The following LINGO2 variants were observed in gnomAD, a reference collection of about 807,000 sequenced individuals.
LINGO2 encodes leucine-rich repeat and immunoglobulin-like domain-containing nogo receptor-interacting protein 2.
LINGO2 carries 14 observed loss-of-function variants against 30.6 expected under a neutral mutation model. The ratio of observed to expected loss-of-function variants is 0.46; its 90% CI spans 0.30 to 0.72. LINGO2 has a LOEUF of 0.72. LINGO2 is among the 30% of genes least tolerant of loss of function. The pLI is 0.07. For missense variants in LINGO2, 729 were observed against 751.7 expected, an observed-to-expected ratio of 0.97 and a Z score of 0.35; for synonymous variants, 317 against 288.5, an observed-to-expected ratio of 1.10 and a Z score of -1.00.
In LINGO2 at chr9:28,096,701, T is replaced by G. The variant is rs546205464; in HGVS notation, c.-86-84296A>C. ...GGGCTAGGTCCTGGCCAGGCACAGA[T>G]GAGTATATCCTGAAGGAGTTCAAAT... On this transcript the variant is annotated intron_variant, in intron 4 of 5. Transcript: ENST00000379992. Among the ~76,000 whole-genome samples, 391 of 64,012 alleles carry G rather than the reference T, an allele frequency of 6.1e-3. 2 individuals are homozygous for G. The highest frequency in any genetic ancestry group is 0.015 in the African/African-American group (376 of 25,376). The allele number at this position is 64,012 out of a possible 152,430, so 42.0% of individuals were successfully genotyped here.
At chr9:28,051,916 TAAC>T (rs910181671) in intron 4 of LINGO2, among the ~76,000 whole-genome samples, 6 of 151,996 alleles carry the variant, frequency 3.9e-5, no homozygotes, top group South Asian at 2.1e-4. Context: ...TTCTTATACC[TAAC>T]AATAAAAAAC....
At chr9:28,648,997 A>G (rs532835244) in intron 1 of LINGO2, among the ~76,000 whole-genome samples, 1 of 152,250 alleles carries the variant, frequency 6.6e-6, no homozygotes, top group Admixed American at 6.5e-5. Context: ...AGCTCTCCCC[A>G]GATACTCTGA....
At chr9:28,809,273 G>A in the LINGO2 span, among the ~76,000 whole-genome samples, 1 of 152,170 alleles carries the variant, frequency 6.6e-6, no homozygotes, top group African/African-American at 2.4e-5. Context: ...ACAAATGGTC[G>A]ATTATGAGGA....
intron 3 of LINGO2, among the ~76,000 whole-genome samples, chr9:28,319,086 T>A (rs995559031): frequency 2.0e-5 from 3 of 152,070 alleles, no homozygotes; most frequent in Non-Finnish European, 4.4e-5. Context: ...TTATTAGAAA[T>A]AATTACAAAG....
intron 2 of LINGO2, among the ~76,000 whole-genome samples, chr9:28,382,218 C>T (rs1417149161): frequency 6.6e-6 from 1 of 152,068 alleles, no homozygotes; most frequent in Non-Finnish European, 1.5e-5. Flanking sequence ...CTTTAATACT[C>T]TTTGTGATTA....
the LINGO2 span, among the ~76,000 whole-genome samples, chr9:29,056,355 A>C: frequency 6.6e-6 from 1 of 152,102 alleles, no homozygotes; most frequent in Non-Finnish European, 1.5e-5. Context: ...AATCATGTTG[A>C]GCATTTTTTC....
At chr9:29,008,879 A>G in the LINGO2 span, among the ~76,000 whole-genome samples, 1 of 152,170 alleles carries the variant, frequency 6.6e-6, no homozygotes, top group Non-Finnish European at 1.5e-5. Context: ...CTGGTTCAAC[A>G]TATGCAAATC....
At chr9:28,546,841 T>C (rs1821975911) in intron 1 of LINGO2, among the ~76,000 whole-genome samples, 2 of 152,080 alleles carry the variant, frequency 1.3e-5, no homozygotes, top group South Asian at 4.1e-4. Flanking sequence ...TATCATTTTC[T>C]GAACCCCAAT....
chr9:28,009,204 T>C (rs1822425704), intron 5 of LINGO2, among the ~76,000 whole-genome samples: 1 of 151,500 alleles, frequency 6.6e-6, no homozygotes, highest in Admixed American at 6.6e-5. Flanking sequence ...AAGAATAAAG[T>C]TGAACCCCTA....
At chr9:29,085,830 A>G in the LINGO2 span, among the ~76,000 whole-genome samples, 4 of 152,152 alleles carry the variant, frequency 2.6e-5, no homozygotes, top group African/African-American at 9.6e-5. Context: ...TTGAAACTCA[A>G]TGAGGTTGTG....
At chr9:28,926,343 C>T in the LINGO2 span, among the ~76,000 whole-genome samples, 1 of 151,926 alleles carries the variant, frequency 6.6e-6, no homozygotes, top group African/African-American at 2.4e-5. Context: ...AAAAAGAAAC[C>T]ATTCGCTTCA....
chr9:28,546,064 A>C (rs1012543894), intron 1 of LINGO2, among the ~76,000 whole-genome samples: 1 of 152,044 alleles, frequency 6.6e-6, no homozygotes, highest in African/African-American at 2.4e-5. Flanking sequence ...TCATGATCTC[A>C]CTTATATGTG....
the LINGO2 span, among the ~76,000 whole-genome samples, chr9:28,688,527 C>T: frequency 1.4e-4 from 22 of 152,120 alleles, no homozygotes; most frequent in African/African-American, 2.2e-4. Flanking sequence ...AATGTCACTA[C>T]TTCAGGTGAC....
At chr9:28,068,591 G>A (rs1047050058) in intron 4 of LINGO2, among the ~76,000 whole-genome samples, 1 of 152,064 alleles carries the variant, frequency 6.6e-6, no homozygotes, top group Non-Finnish European at 1.5e-5. Context: ...TACATACTTA[G>A]TAGTAATAAC....
intron 4 of LINGO2, among the ~76,000 whole-genome samples, chr9:28,185,352 C>T (rs1302513959): frequency 6.6e-6 from 1 of 151,622 alleles, no homozygotes; most frequent in Non-Finnish European, 1.5e-5. Context: ...CTTATAAATA[C>T]CATAACACTA....
intron 5 of LINGO2, among the ~76,000 whole-genome samples, chr9:27,969,281 T>C (rs1265936004): frequency 6.6e-6 from 1 of 152,134 alleles, no homozygotes; most frequent in Non-Finnish European, 1.5e-5. Flanking sequence ...GTTATGTTTA[T>C]ATGAAAGCTT....
At chr9:29,084,110 CTATA>C in the LINGO2 span, among the ~76,000 whole-genome samples, 29,983 of 151,822 alleles carry the variant, frequency 0.2, 3,084 homozygotes, top group African/African-American at 0.24. Flanking sequence ...ATTATGAACT[CTATA>C]TATTTCTGGT....
At chr9:28,283,316 T>C (rs1054599101) in intron 4 of LINGO2, among the ~76,000 whole-genome samples, 6 of 152,180 alleles carry the variant, frequency 3.9e-5, no homozygotes, top group Non-Finnish European at 7.4e-5. Context: ...GAAAACCAGA[T>C]GATTGTTGAC....
At chr9:28,854,832 G>C in the LINGO2 span, among the ~76,000 whole-genome samples, 1 of 151,556 alleles carries the variant, frequency 6.6e-6, no homozygotes. Context: ...TCAGCCTTAT[G>C]TTCTTTGGCA....
Sources: allele counts gnomAD v4.1 joint callset (sites outside exome capture counted in the v4.1 genomes callset), GRCh38; gene constraint gnomAD v4.1.1; transcripts MANE v1.5; gene names NCBI Gene and HGNC (gene_info 2026-07-23, HGNC 2026-07-21).